EFCAB7: variants seen among roughly 807,000 people sequenced by gnomAD.
The protein encoded by EFCAB7 is EF-hand calcium binding domain 7.
A neutral mutation model predicts 77.1 loss-of-function variants in EFCAB7; 66 were observed. The ratio of observed to expected loss-of-function variants is 0.86; its 90% CI spans 0.70 to 1.05. The LOEUF (loss-of-function observed/expected upper bound fraction) is 1.05, where lower values mean the gene tolerates loss of function less well. Among genes scored for constraint, EFCAB7 ranks in the 50% least tolerant of loss-of-function variants. The probability of loss-of-function intolerance (pLI) is 0.00; values close to 1 mark genes in which losing one functional copy is unlikely to be tolerated. For synonymous variants in EFCAB7, 225 were observed against 243.3 expected (o/e 0.92, Z 0.70); for missense variants, 638 against 730.5 (o/e 0.87, Z 1.46).
intron 5 of EFCAB7, among the ~76,000 whole-genome samples, chr1:63,533,876 A>T (rs867555713): frequency 3.3e-5 from 5 of 152,302 alleles, no homozygotes; most frequent in Middle Eastern, 3.4e-3. Context: ...AAAATTTCAG[A>T]CTGAAAGGTG....
intron 6 of EFCAB7, among the ~76,000 whole-genome samples, chr1:63,543,770 A>G (rs1311448134): frequency 6.6e-6 from 1 of 152,132 alleles, no homozygotes; most frequent in Non-Finnish European, 1.5e-5. Flanking sequence ...AGTTATCAAT[A>G]TTATTAAAGC....
chr1:63,556,482 C>T (rs990612613), intron 9 of EFCAB7, among the ~76,000 whole-genome samples: 33 of 152,128 alleles, frequency 2.2e-4, no homozygotes, highest in African/African-American at 7.7e-4. Flanking sequence ...CAACTTCAGT[C>T]AAACATCGAC....
chr1:63,551,829 A>G lies in EFCAB7; in HGVS notation c.1051A>G (p.Arg351Gly), dbSNP rs757461138. The change falls in exon 8 of 14, where the codon AGA becomes GGA. Residue 351 changes from arginine (R) to glycine (G), a missense_variant. By Grantham distance (125) the Arg-to-Gly change is moderately radical. Coordinates refer to ENST00000371088, the MANE Select transcript of EFCAB7 (RefSeq NM_032437.4). ...QLVCFTELRN[R>G]EVFGWTGELG... is the part of the protein sequence containing the mutation. ...TGTGTGTTTTACCGAACTACGAAAT[A>G]GAGAAGTATACATATTTATTTTCTA... 1 of 1,567,928 alleles carries G rather than the reference A, an allele frequency of 6.4e-7. No individual in the cohort carries two copies. The highest frequency in any genetic ancestry group is 8.7e-7 in the Non-Finnish European group (1 of 1,154,808).
At chr1:63,532,423 CTA>C (rs1452731594) in intron 3 of EFCAB7, among the ~76,000 whole-genome samples, 1 of 152,008 alleles carries the variant, frequency 6.6e-6, no homozygotes, top group African/African-American at 2.4e-5. Flanking sequence ...ATAACTGACT[CTA>C]TACTATTCAA....
intron 6 of EFCAB7, among the ~76,000 whole-genome samples, chr1:63,537,372 T>C (rs1646775584): frequency 6.6e-6 from 1 of 152,188 alleles, no homozygotes; most frequent in Admixed American, 6.5e-5. Context: ...TATTCATATA[T>C]AGTACAACAT....
intron 2 of EFCAB7, among the ~76,000 whole-genome samples, chr1:63,526,687 A>G (rs1180352621): frequency 2.0e-5 from 3 of 152,266 alleles, no homozygotes; most frequent in African/African-American, 4.8e-5. Context: ...ATAATTTTAA[A>G]ATTACTAAAA....
intron 6 of EFCAB7, among the ~76,000 whole-genome samples, chr1:63,540,074 G>A (rs1183419700): frequency 6.6e-6 from 1 of 151,820 alleles, no homozygotes; most frequent in Non-Finnish European, 1.5e-5. Flanking sequence ...ATTAATAGTT[G>A]AACTTGGGCC....
chr1:63,573,556 A>G (rs1647327726), downstream of EFCAB7, among the ~76,000 whole-genome samples: 1 of 152,182 alleles, frequency 6.6e-6, no homozygotes, highest in Non-Finnish European at 1.5e-5. Flanking sequence ...ACCAGGAGAC[A>G]TCAGCTGTGA....
At chr1:63,542,588 G>A (rs982120893) in intron 6 of EFCAB7, among the ~76,000 whole-genome samples, 4 of 152,110 alleles carry the variant, frequency 2.6e-5, no homozygotes, top group African/African-American at 7.2e-5. Flanking sequence ...CAATGCACAA[G>A]GGTTCCAATT....
Position 63,572,475 on chromosome 1 carries a change from C to G in EFCAB7, c.1849C>G (p.Gln617Glu), listed in dbSNP as rs1647292131. Reference protein sequence around the residue: ...CQHVMPLNERQEWIYYCIYSL... With the variant: ...CQHVMPLNEREEWIYYCIYSL... The stretch of plus-strand genomic sequence containing the variant: ...ACATGTAATGCCTTTGAATGAACGA[C>G]AAGAATGGATATATTATTGTATATA... The change falls in exon 14 of 14, where the codon CAA becomes GAA. Residue 617 changes from glutamine to glutamate, a missense_variant. Transcript: ENST00000371088. 1.3e-6 allele frequency: 2 copies of G among 1,572,370 alleles called. No individual in the cohort carries two copies. The highest frequency in any genetic ancestry group is 1.7e-6 in the Non-Finnish European group (2 of 1,159,182).
At chr1:63,551,609 A>G in intron 7 of EFCAB7, 116 bp from the exon 8 acceptor site, 1 of 458,902 alleles carries the variant, frequency 2.2e-6, no homozygotes, top group Non-Finnish European at 3.6e-6. Context: ...AAAACATGGA[A>G]TATGTATTTC....
Position 63,546,017 on chromosome 1 carries a change from TTATC to T in EFCAB7, c.909_912del (p.Tyr303Ter), listed in dbSNP as rs1646894228. ...TGCAAATAGCTCAGAGGTCCATGGT[TTATC>T]TAACAATTAAGCCATTAAACCTGAG... On this transcript the variant is annotated frameshift_variant, in exon 7 of 14. Transcript: ENST00000371088. LOFTEE classifies it high-confidence loss of function. The T allele has an allele frequency of 6.2e-7, 1 of 1,613,680 alleles. No individual in the cohort carries two copies. The highest frequency in any genetic ancestry group is 8.5e-7 in the Non-Finnish European group (1 of 1,179,864).
chr1:63,556,366 A>G (rs1647030319), intron 9 of EFCAB7, among the ~76,000 whole-genome samples: 1 of 152,212 alleles, frequency 6.6e-6, no homozygotes, highest in Non-Finnish European at 1.5e-5. Context: ...CACCATAAAT[A>G]TATATATCAA....
At chr1:63,553,995 T>C (rs1437236895) in intron 8 of EFCAB7, among the ~76,000 whole-genome samples, 2 of 152,064 alleles carry the variant, frequency 1.3e-5, no homozygotes, top group Non-Finnish European at 2.9e-5. Flanking sequence ...ATTATTATTG[T>C]TGTTATTTTT....
chr1:63,533,769 C>A, intron 5 of EFCAB7, 120 bp downstream of exon 5: 2 of 750,360 alleles, frequency 2.7e-6, no homozygotes, highest in Non-Finnish European at 4.0e-6. Flanking sequence ...CTTTTGTTAG[C>A]TACTATTTCT....
At chr1:63,582,367 C>A in the EFCAB7 span, among the ~76,000 whole-genome samples, 3 of 152,168 alleles carry the variant, frequency 2.0e-5, no homozygotes, top group Non-Finnish European at 4.4e-5. Context: ...GGTTGCCTGC[C>A]ATTTCAAGAT....
intron 6 of EFCAB7, among the ~76,000 whole-genome samples, chr1:63,535,920 G>C (rs1200980918): frequency 6.6e-6 from 1 of 152,082 alleles, no homozygotes; most frequent in Non-Finnish European, 1.5e-5. Flanking sequence ...GAGGCCGATA[G>C]AGTTTTCCAA....
chr1:63,568,557 A>C, intron 12 of EFCAB7, 38 bp downstream of exon 12: 3 of 1,492,102 alleles, frequency 2.0e-6, no homozygotes, highest in Non-Finnish European at 2.8e-6. Flanking sequence ...TTTTGCTACA[A>C]AGCTTACTAA....
chr1:63,538,611 G>T (rs1233203502), intron 6 of EFCAB7, among the ~76,000 whole-genome samples: 1 of 151,932 alleles, frequency 6.6e-6, no homozygotes, highest in African/African-American at 2.4e-5. Flanking sequence ...GCACCACCAC[G>T]CTGGCTAATT....
Sources: gnomAD v4.1 joint callset for allele counts (sites outside exome capture counted in the v4.1 genomes callset) on GRCh38, gnomAD v4.1.1 for gene constraint, MANE v1.5 for transcripts, NCBI Gene and HGNC (gene_info 2026-07-23, HGNC 2026-07-21) for gene names.